Variants in HACL1 observed in about 807,000 individuals in gnomAD.
HACL1 encodes 2-hydroxyacyl-CoA lyase 1.
A neutral mutation model predicts 74.2 loss-of-function variants in HACL1; 64 were observed. The observed-to-expected ratio is 0.86, with a 90% CI of 0.70 to 1.06. The LOEUF (loss-of-function observed/expected upper bound fraction) is 1.06, where lower values mean the gene tolerates loss of function less well. Among genes scored for constraint, HACL1 ranks in the 50% least tolerant of loss-of-function variants. The probability of loss-of-function intolerance (pLI) is 0.00; values close to 1 mark genes in which losing one functional copy is unlikely to be tolerated. For missense variants in HACL1, 728 were observed against 719.7 expected (o/e 1.01, Z -0.13); for synonymous variants, 230 against 238.8 (o/e 0.96, Z 0.34).
Position 15,574,985 on chromosome 3 carries a change from A to G in HACL1, c.901T>C (p.Phe301Leu). ...TCCTCCTCTCTAAGTACCTGGATAA[A>G]CTTCACATCTGGCTGATATCTTGGA... ...LPPRYQPDVK[F>L]IQVDICAEEL... Residue 301 changes from phenylalanine to leucine, a missense_variant, in exon 10 of 17, where the codon TTT (phenylalanine) becomes CTT (leucine). Physicochemically the swap from Phe to Leu is conservative, Grantham distance 22. Transcript: ENST00000321169. 1.3e-6 allele frequency: 2 copies of G among 1,488,536 alleles called. No homozygotes were observed. The highest frequency in any genetic ancestry group is 1.9e-6 in the Non-Finnish European group (2 of 1,067,862). The allele number at this position is 1,488,536 out of a possible 1,614,324, so 92.2% of individuals were successfully genotyped here. A position where few individuals can be genotyped will look rare whatever the true frequency, so the allele number is the denominator to read the frequency against.
chr3:15,589,614 T>A lies in HACL1; in HGVS notation c.309-2A>T, dbSNP rs758830531. The A allele has an allele frequency of 1.9e-6, 3 of 1,590,338 alleles. No individual in the cohort carries two copies. In the African/African-American group the frequency reaches 4.0e-5, roughly 21 times the overall value. On this transcript the variant is annotated splice_acceptor_variant, in intron 4 of 16. Transcript: ENST00000321169. LOFTEE classifies it high-confidence loss of function. ...GAACCACCAATCACAAGCAAGGGCCTGAAACAATCATTTTTTTAACAAGAT... is the reference window on the plus strand; with the variant it reads ...GAACCACCAATCACAAGCAAGGGCCAGAAACAATCATTTTTTTAACAAGAT...
chr3:15,575,912 C>T (rs975236062), intron 9 of HACL1, among the ~76,000 whole-genome samples: 1 of 151,828 alleles, frequency 6.6e-6, no homozygotes, highest in African/African-American at 2.4e-5. Context: ...AATCCCAACA[C>T]TTTGGGAGGC....
At chr3:15,597,155 T>C (rs751188276) in intron 2 of HACL1, among the ~76,000 whole-genome samples, 2 of 152,234 alleles carry the variant, frequency 1.3e-5, no homozygotes, top group Non-Finnish European at 2.9e-5. Flanking sequence ...TTCTCTTTTA[T>C]TCTCAATCAG....
intron 4 of HACL1, among the ~76,000 whole-genome samples, chr3:15,590,980 C>T (rs2063881852): frequency 1.3e-5 from 2 of 152,192 alleles, no homozygotes; most frequent in Non-Finnish European, 2.9e-5. Context: ...ACTTGGGAGG[C>T]TGACGCAGGA....
intron 8 of HACL1, among the ~76,000 whole-genome samples, chr3:15,580,285 C>T (rs757276235): frequency 7.2e-5 from 11 of 152,096 alleles, no homozygotes; most frequent in African/African-American, 2.4e-4. Flanking sequence ...ACATCACCAC[C>T]GCACTCAGCT....
rs761949167 is a variant in HACL1 at position 15,601,212 on chromosome 3, G to A, written c.82-18C>T. Reference sequence around the variant, plus strand: ...TCCACATCCTGAGGAACGAAGAACAGGGGAGTAAACTCCCAAGGCCCCACC... The same window carrying A: ...TCCACATCCTGAGGAACGAAGAACAAGGGAGTAAACTCCCAAGGCCCCACC... On this transcript the variant is annotated intron_variant, in intron 1 of 16. Transcript: ENST00000321169. 6.3e-7 allele frequency: 1 copy of A among 1,591,600 alleles called. No homozygotes were observed. Among genetic ancestry groups the A allele is most frequent in the South Asian group, 1.1e-5 (1 of 90,638 alleles).
In HACL1 at chr3:15,575,024, G is replaced by A; in HGVS notation, c.862C>T (p.His288Tyr). ...LFGARLNWIL[H>Y]FGLPPRYQPD... Reference sequence around the variant, plus strand: ...TGATATCTTGGAGGCAGTCCAAAATGTAAAATCCAATTTAGTCTGGCACCA... The same window carrying A: ...TGATATCTTGGAGGCAGTCCAAAATATAAAATCCAATTTAGTCTGGCACCA... The change falls in exon 10 of 17, where the codon CAT becomes TAT. Residue 288 changes from histidine to tyrosine, a missense_variant. Transcript: ENST00000321169. The A allele has an allele frequency of 6.2e-7, 1 of 1,600,392 alleles. No individual in the cohort carries two copies. Among genetic ancestry groups the A allele is most frequent in the Non-Finnish European group, 8.6e-7 (1 of 1,168,442 alleles).
rs913026116 is a variant in HACL1 at position 15,595,176 on chromosome 3, T to C, written c.227+1208A>G. On this transcript the variant is annotated intron_variant, in intron 3 of 16. Transcript: ENST00000321169. The stretch of plus-strand genomic sequence containing the variant: ...TTAACCATTCTCTTAATCATTGTTC[T>C]AGCATTTTTTACATTAAGGCATTAA... Among the ~76,000 whole-genome samples, 7 of 152,340 alleles carry C rather than the reference T, an allele frequency of 4.6e-5. No individual in the cohort carries two copies. The South Asian group carries it at 1.5e-3, about 32-fold the overall frequency.
At chr3:15,566,349 G>T (rs1414859153) in intron 14 of HACL1, among the ~76,000 whole-genome samples, 1 of 152,158 alleles carries the variant, frequency 6.6e-6, no homozygotes, top group Non-Finnish European at 1.5e-5. Flanking sequence ...TGTTCACTGA[G>T]CATCACCTCA....
chr3:15,601,010 T>G, intron 2 of HACL1, 80 bp downstream of exon 2: 2 of 826,260 alleles, frequency 2.4e-6, no homozygotes, highest in Admixed American at 3.5e-5. Flanking sequence ...GTAAGCGCTA[T>G]CTGGGTGTTT....
chr3:15,592,481 T>TACGCACACGTATACATAC (rs2063949679), intron 3 of HACL1, among the ~76,000 whole-genome samples: 1 of 138,068 alleles, frequency 7.2e-6, no homozygotes, highest in Non-Finnish European at 1.6e-5. Context: ...CACGTATACA[T>TACGCACACGTATACATAC]ACACTTGTAT....
chr3:15,600,824 G>A (rs2064204045), intron 2 of HACL1: 1 of 554,830 alleles, frequency 1.8e-6, no homozygotes, highest in Non-Finnish European at 3.3e-6. Context: ...ATAGTAGTAA[G>A]AGAATGGACT....
chr3:15,578,190 A>C (rs1484644110), intron 9 of HACL1, among the ~76,000 whole-genome samples: 2 of 152,068 alleles, frequency 1.3e-5, no homozygotes, highest in South Asian at 4.1e-4. Flanking sequence ...ATTACTGCCA[A>C]ATGAAACCTT....
intron 9 of HACL1, among the ~76,000 whole-genome samples, chr3:15,575,564 A>T (rs1167698314): frequency 2.0e-5 from 3 of 152,082 alleles, no homozygotes; most frequent in African/African-American, 7.2e-5. Context: ...GTTTTGAGAC[A>T]GGGTCTCTCT....
chr3:15,575,740 C>A (rs1238576465), intron 9 of HACL1, among the ~76,000 whole-genome samples: 1 of 152,100 alleles, frequency 6.6e-6, no homozygotes, highest in Non-Finnish European at 1.5e-5. Flanking sequence ...GGGGTTTTGC[C>A]ATCTTGCCCA....
chr3:15,584,928 G>A (rs971990163), intron 7 of HACL1, among the ~76,000 whole-genome samples: 1 of 151,908 alleles, frequency 6.6e-6, no homozygotes, highest in African/African-American at 2.4e-5. Context: ...CAACCTCTTG[G>A]CTTACATTAT....
intron 9 of HACL1, among the ~76,000 whole-genome samples, chr3:15,576,326 C>T (rs1043947001): frequency 6.6e-6 from 1 of 151,924 alleles, no homozygotes; most frequent in African/African-American, 2.4e-5. Context: ...ACACTTAAGT[C>T]TTAATGCACT....
At chr3:15,592,162 G>A (rs959603118) in intron 3 of HACL1, among the ~76,000 whole-genome samples, 4 of 148,000 alleles carry the variant, frequency 2.7e-5, no homozygotes, top group South Asian at 2.1e-4. Flanking sequence ...ACGTATATAC[G>A]TATACATGCA....
At chr3:15,564,376 T>A (rs1195858690) in intron 15 of HACL1, among the ~76,000 whole-genome samples, 175 bp downstream of exon 15, 1 of 152,200 alleles carries the variant, frequency 6.6e-6, no homozygotes, top group South Asian at 2.1e-4. Flanking sequence ...CACCTAATCA[T>A]GGATATTTGT....
Sources: gnomAD v4.1 joint callset for allele counts (sites outside exome capture counted in the v4.1 genomes callset) on GRCh38, gnomAD v4.1.1 for gene constraint, MANE v1.5 for transcripts, NCBI Gene and HGNC (gene_info 2026-07-23, HGNC 2026-07-21) for gene names.